Variants in GRIK4 observed in about 807,000 individuals in gnomAD.
GRIK4 encodes glutamate ionotropic receptor kainate type subunit 4.
A neutral mutation model predicts 104.9 loss-of-function variants in GRIK4; 40 were observed. The ratio of observed to expected loss-of-function variants is 0.38; its 90% CI spans 0.30 to 0.50. The LOEUF (loss-of-function observed/expected upper bound fraction) is 0.50. GRIK4 is among the 20% of genes least tolerant of loss of function. GRIK4 has a pLI of 0.93. For synonymous variants in GRIK4, 485 were observed against 524.9 expected, an observed-to-expected ratio of 0.92 and a Z score of 1.04; for missense variants, 1,047 against 1,308.1, an observed-to-expected ratio of 0.80 and a Z score of 3.08.
At chr11:120,748,586 G>A (rs1951489443) in intron 3 of GRIK4, among the ~76,000 whole-genome samples, 1 of 152,098 alleles carries the variant, frequency 6.6e-6, no homozygotes, top group Admixed American at 6.6e-5. Context: ...AGAGAGTGAG[G>A]AAGGAATGAA....
intron 3 of GRIK4, among the ~76,000 whole-genome samples, chr11:120,698,068 TTGTG>T (rs1439876171): frequency 6.6e-6 from 1 of 152,062 alleles, no homozygotes; most frequent in East Asian, 1.9e-4. Context: ...CCCCCTGGCT[TTGTG>T]TGGTGTGGCG....
At chr11:120,837,269 A>G (rs565080331) in intron 8 of GRIK4, among the ~76,000 whole-genome samples, 1 of 152,338 alleles carries the variant, frequency 6.6e-6, no homozygotes, top group Admixed American at 6.5e-5. Context: ...GTCGGTGTCT[A>G]TGAACAGTCC....
chr11:120,782,486 C>T (rs1157047951), intron 3 of GRIK4, among the ~76,000 whole-genome samples: 3 of 152,082 alleles, frequency 2.0e-5, no homozygotes, highest in Admixed American at 6.5e-5. Context: ...GGGGTTTCAC[C>T]GTGTTAGCCA....
At chr11:120,912,323 G>A (rs532340558) in intron 13 of GRIK4, among the ~76,000 whole-genome samples, 4 of 152,316 alleles carry the variant, frequency 2.6e-5, no homozygotes, top group African/African-American at 9.6e-5. Flanking sequence ...GAGTTGGCTA[G>A]AGTGGGCTTC....
intron 1 of GRIK4, among the ~76,000 whole-genome samples, chr11:120,619,294 T>G (rs1949155157): frequency 1.3e-5 from 2 of 152,180 alleles, no homozygotes; most frequent in South Asian, 4.1e-4. Flanking sequence ...GAATGGGAGT[T>G]TTTACCCAAT....
chr11:120,554,058 C>T (rs976018190), intron 1 of GRIK4, among the ~76,000 whole-genome samples: 1 of 152,090 alleles, frequency 6.6e-6, no homozygotes, highest in Non-Finnish European at 1.5e-5. Context: ...TTCCACACCC[C>T]TACCCACTCA....
At chr11:120,612,178 G>A (rs1038701741) in intron 1 of GRIK4, among the ~76,000 whole-genome samples, 2 of 152,040 alleles carry the variant, frequency 1.3e-5, no homozygotes, top group Non-Finnish European at 2.9e-5. Flanking sequence ...GATACACCTC[G>A]TATCTATCCC....
chr11:120,841,500 T>C (rs1565385784), intron 8 of GRIK4, among the ~76,000 whole-genome samples: 1 of 152,234 alleles, frequency 6.6e-6, no homozygotes, highest in South Asian at 2.1e-4. Context: ...CCAGATTTTG[T>C]GTATCCGTTC....
chr11:120,968,866 G>C (rs1003647143), intron 19 of GRIK4, among the ~76,000 whole-genome samples: 1 of 152,228 alleles, frequency 6.6e-6, no homozygotes, highest in African/African-American at 2.4e-5. Flanking sequence ...CTGTAGGGCT[G>C]CTGTGAAGGG....
chr11:120,942,535 G>A (rs1178320146), intron 14 of GRIK4, among the ~76,000 whole-genome samples: 1 of 152,168 alleles, frequency 6.6e-6, no homozygotes, highest in Non-Finnish European at 1.5e-5. Context: ...GAACCAGATG[G>A]CAGAAGGTAC....
In GRIK4 at chr11:120,902,141, C is replaced by T. The variant is rs954608082; in HGVS notation, c.1273-3149C>T. Among the ~76,000 whole-genome samples the T allele has an allele frequency of 6.6e-6, 1 of 152,194 alleles. No individual in the cohort carries two copies. Among genetic ancestry groups the T allele is most frequent in the Admixed American group, 6.5e-5 (1 of 15,286 alleles). Reference sequence around the variant, plus strand: ...AGCACACATTCATGTTGTCTCCCCGCTCTGGTCAGGGCACACTTGGGGACG... The same window carrying T: ...AGCACACATTCATGTTGTCTCCCCGTTCTGGTCAGGGCACACTTGGGGACG... On this transcript the variant is annotated intron_variant, in intron 12 of 20. Transcript: ENST00000527524. The surrounding 1 kb of genome is among the most constrained non-coding windows in gnomAD (Gnocchi z 4.5).
chr11:120,900,864 G>T (rs1300929004), intron 12 of GRIK4, among the ~76,000 whole-genome samples: 1 of 152,190 alleles, frequency 6.6e-6, no homozygotes, highest in African/African-American at 2.4e-5. Flanking sequence ...AGATGAGAGG[G>T]TTGCGGTGTC....
chr11:120,720,600 G>A (rs890553104), intron 3 of GRIK4, among the ~76,000 whole-genome samples: 8 of 152,188 alleles, frequency 5.3e-5, no homozygotes, highest in Admixed American at 5.2e-4. Flanking sequence ...AGCTCCTGGT[G>A]CACAGCCATG....
chr11:120,631,291 G>T lies in GRIK4; in HGVS notation c.-158-22394G>T, dbSNP rs549023941. On this transcript the variant is annotated intron_variant, in intron 1 of 20. Transcript: ENST00000527524. ...AGTGCTTCTCAAGCATTTATTACTTGAGGATCTTGTCAGAAGGCAGATGCT... is the reference window on the plus strand; with the variant it reads ...AGTGCTTCTCAAGCATTTATTACTTTAGGATCTTGTCAGAAGGCAGATGCT... Among the ~76,000 whole-genome samples the T allele has an allele frequency of 3.9e-5, 6 of 152,332 alleles. No homozygotes were observed. The South Asian group carries it at 1.2e-3, about 32-fold the overall frequency.
intron 13 of GRIK4, among the ~76,000 whole-genome samples, chr11:120,934,355 C>T (rs1355930477): frequency 1.3e-5 from 2 of 151,958 alleles, no homozygotes; most frequent in African/African-American, 2.4e-5. Context: ...TCGGATGCTC[C>T]CAGATCTGGT....
Position 120,819,954 on chromosome 11 carries a change from G to T in GRIK4, c.511+34G>T. ...CCCCAGGCTGGCTCTGCCCCAGACA[G>T]TCCAGTCTTGTTGATTTTGCCCTGA... On this transcript the variant is annotated intron_variant, in intron 6 of 20. Transcript: ENST00000527524. This position sits in a 1 kb window ranked among gnomAD's most constrained non-coding sequence, Gnocchi z 4.3. 6.2e-7 allele frequency: 1 copy of T among 1,602,072 alleles called. No homozygotes were observed. Among genetic ancestry groups the T allele is most frequent in the Non-Finnish European group, 8.5e-7 (1 of 1,171,872 alleles).
intron 11 of GRIK4, among the ~76,000 whole-genome samples, chr11:120,888,941 G>C (rs1432596746): frequency 6.6e-6 from 1 of 152,184 alleles, no homozygotes; most frequent in Non-Finnish European, 1.5e-5. Flanking sequence ...CCCAGTTAGA[G>C]TTCCCAGCCT....
At chr11:120,932,350 G>A (rs558334756) in intron 13 of GRIK4, among the ~76,000 whole-genome samples, 2 of 152,178 alleles carry the variant, frequency 1.3e-5, no homozygotes, top group East Asian at 1.9e-4. Flanking sequence ...GGAAACAGGC[G>A]GGGAGGGGGC....
Position 120,898,493 on chromosome 11 carries a change from C to T in GRIK4, c.1165-39C>T, listed in dbSNP as rs151301514. On this transcript the variant is annotated intron_variant, in intron 11 of 20. Transcript: ENST00000527524. ...TCTTGGCTCCTTCCAGCTCTGGAGG[C>T]CACCATTTCTTCCCAGTCCTCTCCG... The T allele has an allele frequency of 3.4e-6, 4 of 1,174,024 alleles. No individual in the cohort carries two copies. The South Asian group carries it at 3.7e-5, about 11-fold the overall frequency. 72.7% of individuals were successfully genotyped at this position (1,174,024 alleles called of 1,614,324 possible). A position where few individuals can be genotyped will look rare whatever the true frequency, so the allele number is the denominator to read the frequency against.
Sources: allele counts gnomAD v4.1 joint callset (sites outside exome capture counted in the v4.1 genomes callset), GRCh38; gene constraint gnomAD v4.1.1; non-coding constraint Gnocchi (gnomAD v3.1); transcripts MANE v1.5; gene names NCBI Gene and HGNC (gene_info 2026-07-23, HGNC 2026-07-21).